Variants in ESRRB observed in about 807,000 individuals in gnomAD.
The protein encoded by ESRRB is steroid hormone receptor ERR2.
In ESRRB, 16 loss-of-function variants were observed where a neutral mutation model predicts 46.0. That is an observed-to-expected ratio of 0.35 (90% CI 0.24 to 0.53). ESRRB has a LOEUF of 0.53. Among genes scored for constraint, ESRRB ranks in the 20% least tolerant of loss-of-function variants. ESRRB has a pLI of 0.93. For missense variants in ESRRB, 488 were observed against 607.4 expected (o/e 0.80, Z 2.07); for synonymous variants, 246 against 259.6 (o/e 0.95, Z 0.50).
At position 76,376,203 on chromosome 14, in the gene ESRRB, C is replaced by T. The variant is rs1413454369; in HGVS notation, c.-199C>T. ...CTCTGCCCGCTCTCTCCGGAGCGTGCGGATGAGTGGAGAGCTGGGCTGTGC... is the reference window on the plus strand; with the variant it reads ...CTCTGCCCGCTCTCTCCGGAGCGTGTGGATGAGTGGAGAGCTGGGCTGTGC... On this transcript the variant is annotated 5_prime_UTR_variant, in exon 1 of 7. Coordinates refer to ENST00000644823, the MANE Select transcript of ESRRB (RefSeq NM_001379180.1). The surrounding 1 kb of genome is among the most constrained non-coding windows in gnomAD (Gnocchi z 4.1). 2 of 395,884 alleles carry T rather than the reference C, an allele frequency of 5.1e-6. No individual in the cohort carries two copies. The highest frequency in any genetic ancestry group is 2.1e-5 in the African/African-American group (1 of 48,666). The allele number at this position is 395,884 out of a possible 1,614,324, so 24.5% of individuals were successfully genotyped here.
At chr14:76,413,641 G>A (rs1457850581) in intron 1 of ESRRB, among the ~76,000 whole-genome samples, 2 of 152,162 alleles carry the variant, frequency 1.3e-5, no homozygotes, top group African/African-American at 4.8e-5. Context: ...ATTGTCCAGT[G>A]ACTTTATGGT....
rs143343065 is a variant in ESRRB at position 76,339,379 on chromosome 14, G to A, written c.2+28463G>A. On this transcript the variant is annotated intron_variant, in intron 1 of 6. Coordinates refer to the ESRRB transcript ENST00000512784. ...GTGAGGATGAAATAAGATAATGAAC[G>A]CACTTAACAAAGGGCCAGGCACATG... is the stretch of plus-strand genomic sequence containing the variant. 2.7e-3 allele frequency among the ~76,000 whole-genome samples: 409 copies of A among 152,240 alleles called. 3 individuals carry two copies. The highest frequency in any genetic ancestry group is 9.4e-3 in the African/African-American group (389 of 41,530).
intron 5 of ESRRB, among the ~76,000 whole-genome samples, chr14:76,485,272 G>A (rs1035684019): frequency 3.4e-5 from 4 of 119,284 alleles, no homozygotes; most frequent in South Asian, 2.8e-4. Context: ...TGGAGTCTCC[G>A]CTCTCTTGCC....
chr14:76,465,981 G>A (rs918983013), intron 3 of ESRRB, among the ~76,000 whole-genome samples: 2 of 152,252 alleles, frequency 1.3e-5, no homozygotes, highest in Admixed American at 6.5e-5. Flanking sequence ...CCCCTGCCAG[G>A]TGGGGGCTCT....
At chr14:76,414,247 G>A (rs1234557101) in intron 1 of ESRRB, among the ~76,000 whole-genome samples, 1 of 121,678 alleles carries the variant, frequency 8.2e-6, no homozygotes, top group African/African-American at 3.3e-5. Flanking sequence ...AAAAACCCTG[G>A]TGTTAGACCA....
At chr14:76,458,876 G>C (rs550014306) in intron 2 of ESRRB, among the ~76,000 whole-genome samples, 22 of 131,926 alleles carry the variant, frequency 1.7e-4, no homozygotes, top group Non-Finnish European at 3.2e-4. Context: ...ACAGAGTCTC[G>C]CTCTGTCACC....
At chr14:76,405,921 A>G (rs1346531205) in intron 1 of ESRRB, among the ~76,000 whole-genome samples, 1 of 152,150 alleles carries the variant, frequency 6.6e-6, no homozygotes, top group Non-Finnish European at 1.5e-5. Flanking sequence ...CCTGTCTCAG[A>G]AAAAGGGAAA....
chr14:76,372,481 C>A (rs904808088), upstream of ESRRB, among the ~76,000 whole-genome samples: 12 of 152,044 alleles, frequency 7.9e-5, no homozygotes, highest in African/African-American at 2.9e-4. Context: ...TTGGACAGTT[C>A]TTGTTTGTCA....
At chr14:76,496,781 C>G (rs1191672283) in intron 6 of ESRRB, among the ~76,000 whole-genome samples, 1 of 152,114 alleles carries the variant, frequency 6.6e-6, no homozygotes, top group African/African-American at 2.4e-5. Flanking sequence ...GGGGCTGACG[C>G]TGGGCAGAAG....
chr14:76,393,967 A>ATTTTTTTTTTTTTTTTTTTTTTT (rs71122531), intron 1 of ESRRB, among the ~76,000 whole-genome samples: 2 of 126,986 alleles, frequency 1.6e-5, no homozygotes, highest in Non-Finnish European at 3.2e-5. Context: ...TGCCTGGCTA[A>ATTTTTTTTTTTTTTTTTTTTTTT]TTTTTTTTTT....
chr14:76,498,033 G>C (rs1192390519), intron 6 of ESRRB, among the ~76,000 whole-genome samples, 181 bp from the exon 7 acceptor site: 1 of 152,110 alleles, frequency 6.6e-6, no homozygotes, highest in African/African-American at 2.4e-5. Flanking sequence ...CCCTGGGTTT[G>C]AGTCCCAGCT....
At chr14:76,394,415 T>C (rs1263360654) in intron 1 of ESRRB, among the ~76,000 whole-genome samples, 1 of 152,220 alleles carries the variant, frequency 6.6e-6, no homozygotes, top group African/African-American at 2.4e-5. Flanking sequence ...TCATATGTTT[T>C]GCCTCCTTCC....
At chr14:76,455,280 T>A (rs1888560473) in intron 2 of ESRRB, among the ~76,000 whole-genome samples, 1 of 152,152 alleles carries the variant, frequency 6.6e-6, no homozygotes, top group African/African-American at 2.4e-5. Context: ...CCCATTCTCC[T>A]CCCACTCTAA....
chr14:76,394,730 A>C (rs1256569149), intron 1 of ESRRB, among the ~76,000 whole-genome samples: 1 of 151,920 alleles, frequency 6.6e-6, no homozygotes, highest in African/African-American at 2.4e-5. Flanking sequence ...GGCCTCTTTG[A>C]CCTTGGGGTT....
intron 1 of ESRRB, among the ~76,000 whole-genome samples, chr14:76,429,745 T>TTGCACAGAACTCA (rs1887358093): frequency 6.6e-6 from 1 of 151,876 alleles, no homozygotes; most frequent in South Asian, 2.1e-4. Context: ...AGTAAAACTC[T>TTGCACAGAACTCA]GTCTCAAAAA....
intron 5 of ESRRB, among the ~76,000 whole-genome samples, chr14:76,484,359 A>C (rs1258223810): frequency 6.6e-6 from 1 of 151,814 alleles, no homozygotes; most frequent in Non-Finnish European, 1.5e-5. Flanking sequence ...TAAGGAGCTC[A>C]ACCTCTCGGG....
intron 1 of ESRRB, among the ~76,000 whole-genome samples, chr14:76,413,332 G>T (rs1886520534): frequency 6.6e-6 from 1 of 152,152 alleles, no homozygotes; most frequent in South Asian, 2.1e-4. Flanking sequence ...CTGTGCCCCG[G>T]CCCCGGCCAC....
chr14:76,359,211 G>A (rs1884434639), intron 1 of ESRRB, among the ~76,000 whole-genome samples: 1 of 152,216 alleles, frequency 6.6e-6, no homozygotes, highest in South Asian at 2.1e-4. Flanking sequence ...GATCTGTGCA[G>A]AATGAATTGA....
chr14:76,474,950 C>T (rs1168590303), intron 3 of ESRRB, among the ~76,000 whole-genome samples: 1 of 151,286 alleles, frequency 6.6e-6, no homozygotes, highest in Admixed American at 6.6e-5. Context: ...AGGAGGGGGC[C>T]AGGCACAGTG....
Sources: allele counts gnomAD v4.1 joint callset (sites outside exome capture counted in the v4.1 genomes callset), GRCh38; gene constraint gnomAD v4.1.1; non-coding constraint Gnocchi (gnomAD v3.1); transcripts MANE v1.5; gene names NCBI Gene and HGNC (gene_info 2026-07-23, HGNC 2026-07-21).